The following SMCO2 variants were observed in gnomAD, a reference collection of about 807,000 sequenced individuals.
SMCO2 encodes single-pass membrane and coiled-coil domain-containing protein 2.
A neutral mutation model predicts 29.5 loss-of-function variants in SMCO2; 25 were observed. That is an observed-to-expected ratio of 0.85 (90% confidence interval 0.62 to 1.18). The LOEUF (loss-of-function observed/expected upper bound fraction) is 1.18. Ranked by LOEUF, SMCO2 falls within the 50% of genes most tolerant of loss-of-function variation. The pLI is 0.00. For synonymous variants in SMCO2, 117 were observed against 123.3 expected (o/e 0.95, Z 0.34); for missense variants, 348 against 344.5 (o/e 1.01, Z -0.08).
chr12:27,470,801 G>C, intron 2 of SMCO2, 36 bp downstream of exon 2: 1 of 1,544,548 alleles, frequency 6.5e-7, no homozygotes, highest in South Asian at 1.2e-5. Context: ...GCAGTTTCTA[G>C]GGTCCCAACT....
chr12:27,486,105 G>T (rs1010822233), intron 4 of SMCO2, among the ~76,000 whole-genome samples: 2 of 152,176 alleles, frequency 1.3e-5, no homozygotes, highest in Non-Finnish European at 2.9e-5. Flanking sequence ...TTTAGAGATT[G>T]TTCTGCCCAC....
the SMCO2 span, among the ~76,000 whole-genome samples, chr12:27,442,949 C>T: frequency 1.2e-4 from 18 of 152,122 alleles, no homozygotes; most frequent in Admixed American, 1.2e-3. Context: ...GAACTAATAC[C>T]AATACCAACC....
rs777092039 is a variant in SMCO2, at chr12:27,495,683, C to T, written c.511C>T (p.Leu171Phe). The change falls in exon 7 of 8, where the codon CTT (leucine) becomes TTT (phenylalanine). Residue 171 changes from leucine (L) to phenylalanine (F), a missense_variant. Transcript: ENST00000298876. ...CTTGATTACTCTTTTTTTTCAGGAC[C>T]TTTGCAAGAATGTGGAACTGCTGAG... 8.2e-5 allele frequency: 119 copies of T among 1,457,204 alleles called. 1 individual carries two copies. The highest frequency in any genetic ancestry group is 1.0e-4 in the Non-Finnish European group (113 of 1,088,500). The allele number at this position is 1,457,204 out of a possible 1,614,324, so 90.3% of individuals were successfully genotyped here.
chr12:27,466,120 G>T (rs1949496755), upstream of SMCO2, among the ~76,000 whole-genome samples: 1 of 152,184 alleles, frequency 6.6e-6, no homozygotes, highest in Non-Finnish European at 1.5e-5. Flanking sequence ...TCCCTGGTTT[G>T]CAAGAAGATC....
At chr12:27,496,703 A>G (rs1390970739) in intron 7 of SMCO2, among the ~76,000 whole-genome samples, 1 of 150,758 alleles carries the variant, frequency 6.6e-6, no homozygotes, top group Admixed American at 6.6e-5. Context: ...TCTGTCTTCA[A>G]TCAAGTCCTT....
chr12:27,471,389 G>C (rs1346368922), intron 2 of SMCO2, among the ~76,000 whole-genome samples: 1 of 151,998 alleles, frequency 6.6e-6, no homozygotes, highest in African/African-American at 2.4e-5. Context: ...ATAGATTCCA[G>C]GATCCCTTTC....
intron 1 of SMCO2, among the ~76,000 whole-genome samples, chr12:27,469,687 T>A (rs1220917391): frequency 6.6e-6 from 1 of 152,210 alleles, no homozygotes; most frequent in Admixed American, 6.5e-5. Flanking sequence ...GGACACACCC[T>A]CCTGATTTCT....
intron 7 of SMCO2, among the ~76,000 whole-genome samples, chr12:27,501,644 G>A (rs1199719709): frequency 6.7e-6 from 1 of 150,168 alleles, no homozygotes; most frequent in Non-Finnish European, 1.5e-5. Flanking sequence ...GCAATAACCT[G>A]CTAGGATGTG....
At chr12:27,466,202 C>T (rs143973795), upstream of SMCO2, among the ~76,000 whole-genome samples, 703 of 152,088 alleles carry the variant, frequency 4.6e-3, 5 homozygotes, top group Middle Eastern at 0.031. Flanking sequence ...TGGGTGGATC[C>T]CTTGAGGTCA....
chr12:27,483,200 G>A (rs112676145), intron 4 of SMCO2, among the ~76,000 whole-genome samples: 3,205 of 152,150 alleles, frequency 0.021, 105 homozygotes, highest in African/African-American at 0.074. Flanking sequence ...AGTCTTCCAG[G>A]TACTTATGGA....
chr12:27,494,383 C>G, intron 6 of SMCO2, 27 bp downstream of exon 7: 1 of 1,480,756 alleles, frequency 6.8e-7, no homozygotes, highest in Non-Finnish European at 9.1e-7. Context: ...ACAATTCAAA[C>G]AATGATAAAA....
chr12:27,497,787 G>T, intron 7 of SMCO2: 1 of 194,236 alleles, frequency 5.1e-6, no homozygotes, highest in Non-Finnish European at 1.0e-5. Flanking sequence ...ATCTGATCTG[G>T]CTGCTCTTAA....
chr12:27,454,686 A>G, the SMCO2 span, among the ~76,000 whole-genome samples: 18 of 152,330 alleles, frequency 1.2e-4, no homozygotes, highest in East Asian at 3.3e-3. Context: ...TCAACCCGTC[A>G]TCTACATTAG....
intron 4 of SMCO2, among the ~76,000 whole-genome samples, chr12:27,482,813 A>G (rs977702095): frequency 3.3e-5 from 5 of 152,076 alleles, no homozygotes; most frequent in Non-Finnish European, 5.9e-5. Context: ...TCACTGCTCA[A>G]CCTCCCAGGC....
intron 3 of SMCO2, among the ~76,000 whole-genome samples, 178 bp from the exon 4 acceptor site, chr12:27,474,608 C>T (rs74076316): frequency 0.018 from 2,793 of 152,282 alleles, 58 homozygotes; most frequent in African/African-American, 0.044. Flanking sequence ...CTCAGCTTTC[C>T]TCTGTAGACA....
chr12:27,460,490 A>T, the SMCO2 span, among the ~76,000 whole-genome samples: 1 of 152,202 alleles, frequency 6.6e-6, no homozygotes, highest in Admixed American at 6.5e-5. Context: ...AATCATAAGG[A>T]AGAGAAAACA....
chr12:27,480,557 A>G (rs562276022), intron 4 of SMCO2, among the ~76,000 whole-genome samples: 48 of 152,106 alleles, frequency 3.2e-4, no homozygotes, highest in African/African-American at 1.0e-3. Context: ...GTGATCTCCT[A>G]TGTTGGAGGT....
At chr12:27,479,093 T>C (rs900886413) in intron 4 of SMCO2, among the ~76,000 whole-genome samples, 5 of 152,128 alleles carry the variant, frequency 3.3e-5, no homozygotes, top group African/African-American at 1.2e-4. Context: ...TGGCTATGGG[T>C]GGAGCAAGTC....
the SMCO2 span, among the ~76,000 whole-genome samples, chr12:27,454,810 G>T: frequency 3.3e-5 from 5 of 152,174 alleles, no homozygotes; most frequent in Non-Finnish European, 5.9e-5. Flanking sequence ...CCACTTATGA[G>T]TGAGAACATG....
Sources: allele counts gnomAD v4.1 joint callset (sites outside exome capture counted in the v4.1 genomes callset), GRCh38; gene constraint gnomAD v4.1.1; transcripts MANE v1.5; gene names NCBI Gene and HGNC (gene_info 2026-07-23, HGNC 2026-07-21).